Variants in ANK1 observed in about 807,000 individuals in gnomAD.
ANK1 encodes the protein ankyrin-1.
Under a neutral mutation model 210.4 loss-of-function variants are expected in ANK1, and 51 were observed. The ratio of observed to expected loss-of-function variants is 0.24; its 90% CI spans 0.19 to 0.31. The LOEUF (loss-of-function observed/expected upper bound fraction) is 0.31, where lower values mean the gene tolerates loss of function less well. ANK1 is among the 10% of genes least tolerant of loss of function. The pLI, the probability that ANK1 is intolerant of heterozygous loss-of-function variation, is 1.00. For synonymous variants in ANK1, 967 were observed against 1,025.9 expected (o/e 0.94, Z 1.10); for missense variants, 2,051 against 2,504.4 (o/e 0.82, Z 3.86).
intron 2 of ANK1, among the ~76,000 whole-genome samples, chr8:41,747,251 T>A (rs1428418787): frequency 6.6e-6 from 1 of 152,092 alleles, no homozygotes; most frequent in Non-Finnish European, 1.5e-5. Flanking sequence ...TGGCCAATTC[T>A]CATTCCTCCT....
upstream of ANK1, among the ~76,000 whole-genome samples, chr8:41,798,025 C>T (rs1849131246): frequency 6.6e-6 from 1 of 151,918 alleles, no homozygotes; most frequent in Non-Finnish European, 1.5e-5. Flanking sequence ...ACACAATTTG[C>T]CTTTCCTGGT....
chr8:41,719,933 C>A (rs766119917), intron 9 of ANK1, 75 bp from the exon 10 acceptor site: 42 of 1,509,156 alleles, frequency 2.8e-5, no homozygotes, highest in Admixed American at 1.2e-4. Flanking sequence ...ACGATTCCAA[C>A]GTCACTCCCT....
rs886062931 is a variant in ANK1, at chr8:41,653,838, C to G, written c.*1952G>C. ...ACGCAGCCTCGGGGAAACTCAGGCC[C>G]GGAGCTAGAGCTTCCTCTCCCTGCC... On this transcript the variant is annotated 3_prime_UTR_variant, in exon 43 of 43. Coordinates refer to ENST00000289734, the MANE Select transcript of ANK1 (RefSeq NM_000037.4). 6.6e-5 allele frequency: 10 copies of G among 152,198 alleles called. No homozygotes were observed. The highest frequency in any genetic ancestry group is 1.3e-4 in the Non-Finnish European group (9 of 68,058). 9.4% of individuals were successfully genotyped at this position (152,198 alleles called of 1,614,324 possible).
At chr8:41,891,309 T>C (rs1313779135) in intron 1 of ANK1, among the ~76,000 whole-genome samples, 5 of 151,752 alleles carry the variant, frequency 3.3e-5, no homozygotes, top group Admixed American at 2.6e-4. Context: ...TGTTGCCACA[T>C]TGAGAGGAGA....
intron 16 of ANK1, among the ~76,000 whole-genome samples, chr8:41,711,509 G>T (rs1826115304): frequency 6.6e-6 from 1 of 152,214 alleles, no homozygotes; most frequent in African/African-American, 2.4e-5. Flanking sequence ...CAAGGCCACA[G>T]TAGGCAAGGG....
chr8:41,788,290 C>T (rs1200838282), intron 1 of ANK1, among the ~76,000 whole-genome samples: 1 of 152,096 alleles, frequency 6.6e-6, no homozygotes, highest in Non-Finnish European at 1.5e-5. Context: ...ATTCACTGAC[C>T]GGAGAACACA....
intron 1 of ANK1, among the ~76,000 whole-genome samples, chr8:41,761,585 G>A (rs867857806): frequency 2.7e-4 from 41 of 152,264 alleles, no homozygotes; most frequent in African/African-American, 9.6e-4. Context: ...TCCAGACAGC[G>A]AGAGAACACA....
chr8:41,872,585 G>GTCA (rs1815743582), intron 1 of ANK1, among the ~76,000 whole-genome samples: 6 of 152,232 alleles, frequency 3.9e-5, no homozygotes, highest in African/African-American at 1.4e-4. Flanking sequence ...CAGAGGCCTT[G>GTCA]GAGCCGTGGG....
intron 1 of ANK1, among the ~76,000 whole-genome samples, chr8:41,893,607 C>A (rs1039612651): frequency 2.0e-5 from 3 of 152,246 alleles, no homozygotes; most frequent in Non-Finnish European, 2.9e-5. Context: ...GGATGCGGTT[C>A]TGCTCAGTCA....
chr8:41,755,574 G>A (rs1236338368), intron 2 of ANK1, among the ~76,000 whole-genome samples: 1 of 152,200 alleles, frequency 6.6e-6, no homozygotes, highest in Admixed American at 6.5e-5. Flanking sequence ...TGCATCCCAG[G>A]TGGAGAGAGC....
At chr8:41,867,160 G>A (rs1022447858) in intron 1 of ANK1, among the ~76,000 whole-genome samples, 2 of 152,216 alleles carry the variant, frequency 1.3e-5, no homozygotes, top group South Asian at 4.1e-4. Context: ...TCCAGTAGGA[G>A]GCCCTAGAAA....
chr8:41,888,452 C>T (rs1189069780), intron 1 of ANK1, among the ~76,000 whole-genome samples: 1 of 152,214 alleles, frequency 6.6e-6, no homozygotes, highest in Non-Finnish European at 1.5e-5. Flanking sequence ...GAGAGAGCTG[C>T]GGAGCAAGAG....
intron 9 of ANK1, among the ~76,000 whole-genome samples, chr8:41,721,545 T>C (rs1216283083): frequency 6.6e-6 from 1 of 151,420 alleles, no homozygotes; most frequent in Non-Finnish European, 1.5e-5. Context: ...CAATCCCAGC[T>C]ACTCGGGAAG....
At chr8:41,841,241 T>A (rs1298627867) in intron 1 of ANK1, among the ~76,000 whole-genome samples, 1 of 152,186 alleles carries the variant, frequency 6.6e-6, no homozygotes, top group Non-Finnish European at 1.5e-5. Flanking sequence ...GAAATCCTAC[T>A]GGGAACTTGG....
rs187024910 is a variant in ANK1, at chr8:41,860,280, C to T, written c.126+36075G>A. Among the ~76,000 whole-genome samples the T allele has an allele frequency of 8.0e-4, 122 of 152,246 alleles. 2 individuals carry two copies. Among genetic ancestry groups the T allele is most frequent in the Admixed American group, 2.0e-3 (31 of 15,284 alleles). ...TGGACAGTCCTGCTTGGCCCAGATG[C>T]GGCCTCCAAGCAAGCAGTGAGGTTT... On this transcript the variant is annotated intron_variant, in intron 1 of 42. Coordinates refer to the ANK1 transcript ENST00000265709.
At chr8:41,888,284 A>G (rs1818804463) in intron 1 of ANK1, among the ~76,000 whole-genome samples, 2 of 152,220 alleles carry the variant, frequency 1.3e-5, no homozygotes, top group Admixed American at 1.3e-4. Context: ...TGCCAAATCA[A>G]GAAGGGGCCC....
intron 2 of ANK1, among the ~76,000 whole-genome samples, chr8:41,736,421 T>C (rs975899369): frequency 6.6e-6 from 1 of 152,198 alleles, no homozygotes; most frequent in East Asian, 1.9e-4. Flanking sequence ...CAAGCGCTCT[T>C]CCAACCCAGC....
chr8:41,865,257 G>A (rs538784455), intron 1 of ANK1, among the ~76,000 whole-genome samples: 10 of 152,292 alleles, frequency 6.6e-5, no homozygotes, highest in Admixed American at 3.9e-4. Context: ...CCTTGAAGCA[G>A]CACATTTTCA....
chr8:41,785,773 C>T (rs1846223080), intron 1 of ANK1, among the ~76,000 whole-genome samples: 1 of 152,206 alleles, frequency 6.6e-6, no homozygotes, highest in African/African-American at 2.4e-5. Flanking sequence ...CCAGATCACT[C>T]ACTGCAAGGG....
Sources: gnomAD v4.1 joint callset for allele counts (sites outside exome capture counted in the v4.1 genomes callset) on GRCh38, gnomAD v4.1.1 for gene constraint, MANE v1.5 for transcripts, NCBI Gene and HGNC (gene_info 2026-07-23, HGNC 2026-07-21) for gene names.